The following SLC16A14 variants were observed in gnomAD, a reference collection of about 807,000 sequenced individuals.
The protein encoded by SLC16A14 is monocarboxylate transporter 14.
Under a neutral mutation model 35.8 loss-of-function variants are expected in SLC16A14, and 14 were observed. That is an observed-to-expected ratio of 0.39 (90% CI 0.26 to 0.61). The LOEUF (loss-of-function observed/expected upper bound fraction) is 0.61, where lower values mean the gene tolerates loss of function less well. SLC16A14 is among the 20% of genes least tolerant of loss of function. The probability of loss-of-function intolerance (pLI) is 0.51; values close to 1 mark genes in which losing one functional copy is unlikely to be tolerated. For missense variants in SLC16A14, 533 were observed against 655.0 expected, an observed-to-expected ratio of 0.81 and a Z score of 2.03; for synonymous variants, 248 against 258.9, an observed-to-expected ratio of 0.96 and a Z score of 0.40.
intron 1 of SLC16A14, among the ~76,000 whole-genome samples, chr2:230,059,894 C>T (rs2077737603): frequency 6.6e-6 from 1 of 152,126 alleles, no homozygotes; most frequent in South Asian, 2.1e-4. Flanking sequence ...GTGGATTAGC[C>T]TCAGGGGGTC....
intron 4 of SLC16A14, among the ~76,000 whole-genome samples, chr2:230,037,770 C>A (rs921680504): frequency 6.6e-6 from 1 of 151,918 alleles, no homozygotes; most frequent in Non-Finnish European, 1.5e-5. Context: ...CCCGTGCCTA[C>A]GGAGGACTGC....
At chr2:230,058,903 G>T in intron 2 of SLC16A14, 191 bp downstream of exon 2, 1 of 742,054 alleles carries the variant, frequency 1.3e-6, no homozygotes, top group South Asian at 6.1e-5. Context: ...AAAGTGCTGG[G>T]ATTACAGGTG....
intron 3 of SLC16A14, among the ~76,000 whole-genome samples, chr2:230,048,654 T>C (rs1201662924): frequency 6.6e-6 from 1 of 152,192 alleles, no homozygotes. Context: ...CCGGGTGCTG[T>C]GGCTGACACC....
chr2:230,048,552 A>G (rs2077627856), intron 3 of SLC16A14, among the ~76,000 whole-genome samples: 1 of 152,134 alleles, frequency 6.6e-6, no homozygotes, highest in African/African-American at 2.4e-5. Flanking sequence ...ACCTAACTGT[A>G]CTCTAGATTT....
chr2:230,044,707 T>C (rs1347668937), intron 4 of SLC16A14, among the ~76,000 whole-genome samples: 2 of 38,678 alleles, frequency 5.2e-5, no homozygotes, highest in African/African-American at 1.2e-4. Flanking sequence ...TCTGTATTTG[T>C]GTGTGTGTGT....
chr2:230,046,065 G>A lies in SLC16A14; in HGVS notation c.1061C>T (p.Pro354Leu), dbSNP rs757121803. The change falls in exon 4 of 5, where the codon CCT becomes CTT. Residue 354 changes from proline (P) to leucine (L), a missense_variant. Transcript: ENST00000295190. This position sits in a 1 kb window ranked among gnomAD's most constrained non-coding sequence, Gnocchi z 5.0. ...AACTATTGCTATAATTGACGTCAGA[G>A]GGAAAACGTCGTTTTGCTCCGATAA... Reference protein sequence around the residue: ...YNLSEQNDVFPLTSIIAIVHI... With the variant: ...YNLSEQNDVFLLTSIIAIVHI... The A allele has an allele frequency of 1.5e-5, 24 of 1,614,186 alleles. No homozygotes were observed. Among genetic ancestry groups the A allele is most frequent in the Non-Finnish European group, 1.9e-5 (23 of 1,180,006 alleles).
intron 2 of SLC16A14, among the ~76,000 whole-genome samples, chr2:230,053,994 A>G (rs1017416522): frequency 4.6e-5 from 7 of 152,020 alleles, no homozygotes; most frequent in Non-Finnish European, 7.4e-5. Context: ...CTCTAAATCA[A>G]TGAACTGTTT....
In SLC16A14 at chr2:230,045,978, T is replaced by C. The variant is rs1379665457; in HGVS notation, c.1148A>G (p.Asn383Ser). ...GGTGAAGTTGGCCAACAGGAAGACA[T>C]TCCAAACACTAATGCAAGGCAAGTC... ...IADLPCISVWNVFLLANFTLV... is the reference protein window; with the variant it reads ...IADLPCISVWSVFLLANFTLV... Residue 383 changes from asparagine to serine, a missense_variant, in exon 4 of 5, where the codon AAT becomes AGT. Asn to Ser is a conservative substitution (Grantham distance 46). Transcript: ENST00000295190. 1 of 1,613,432 alleles carries C rather than the reference T, an allele frequency of 6.2e-7. No homozygotes were observed. The highest frequency in any genetic ancestry group is 1.7e-5 in the Admixed American group (1 of 60,014).
intron 3 of SLC16A14, among the ~76,000 whole-genome samples, chr2:230,048,090 T>A (rs2077624250): frequency 1.3e-5 from 2 of 152,220 alleles, no homozygotes; most frequent in South Asian, 4.1e-4. Context: ...AGCTCGTATG[T>A]TTTATATATA....
At chr2:230,048,903 A>G in intron 3 of SLC16A14, among the ~76,000 whole-genome samples, 1 of 142,240 alleles carries the variant, frequency 7.0e-6, no homozygotes, top group Non-Finnish European at 1.5e-5. Flanking sequence ...AGCCTGGGCA[A>G]CAAGAGTGAA....
chr2:230,040,129 C>G (rs1181376603), intron 4 of SLC16A14, among the ~76,000 whole-genome samples: 1 of 152,134 alleles, frequency 6.6e-6, no homozygotes, highest in Non-Finnish European at 1.5e-5. Context: ...CCCCTTTTCC[C>G]CATCCCATCC....
chr2:230,045,636 T>C, intron 4 of SLC16A14, 109 bp downstream of exon 4: 2 of 1,252,694 alleles, frequency 1.6e-6, no homozygotes, highest in Non-Finnish European at 2.3e-6. Context: ...AATGGGAAGA[T>C]AAAAGGAAAA....
At chr2:230,067,534 TTCTCTCTCTCTCTCTC>T (rs145179402) in intron 1 of SLC16A14, among the ~76,000 whole-genome samples, 30,993 of 128,268 alleles carry the variant, frequency 0.24, 3,943 homozygotes, top group East Asian at 0.5. Flanking sequence ...CTCCCCTCTC[TTCTCTCTCTCTCTCTC>T]TCTCTCTCTC....
Position 230,045,900 on chromosome 2 carries a change from G to A in SLC16A14, c.1226C>T (p.Ala409Val), listed in dbSNP as rs868007529. 1.3e-5 allele frequency: 21 copies of A among 1,612,346 alleles called. No homozygotes were observed. The highest frequency in any genetic ancestry group is 1.7e-5 in the Non-Finnish European group (20 of 1,178,546). Residue 409 changes from alanine (A) to valine (V), a missense_variant, in exon 4 of 5, where the codon GCG (alanine) becomes GTG (valine). Ala to Val is a moderately conservative substitution (Grantham distance 64). Coordinates refer to ENST00000295190, the MANE Select transcript of SLC16A14 (RefSeq NM_152527.5). ...AAACCCTATCAGCGCACAGATGACC[G>A]CCAGGCCAGCGTACGTGTGCATCAA... is the stretch of plus-strand genomic sequence containing the variant. Reference protein sequence around the residue: ...LPLMHTYAGLAVICALIGFSS... With the variant: ...LPLMHTYAGLVVICALIGFSS...
intron 1 of SLC16A14, among the ~76,000 whole-genome samples, chr2:230,061,245 A>G (rs1026132144): frequency 6.6e-6 from 1 of 152,252 alleles, no homozygotes; most frequent in East Asian, 1.9e-4. Flanking sequence ...AAAAATGTTT[A>G]GCTGGTCTAA....
intron 4 of SLC16A14, among the ~76,000 whole-genome samples, chr2:230,039,490 C>T (rs1234443285): frequency 6.6e-6 from 1 of 152,158 alleles, no homozygotes; most frequent in Non-Finnish European, 1.5e-5. Context: ...GACCTATGAA[C>T]AAAAACACAC....
At chr2:230,052,935 T>C (rs1196427790) in intron 2 of SLC16A14, among the ~76,000 whole-genome samples, 1 of 103,454 alleles carries the variant, frequency 9.7e-6, no homozygotes, top group East Asian at 2.6e-4. Context: ...TTTCTTTCTC[T>C]CTCTCTTTCT....
chr2:230,038,384 A>T lies in SLC16A14; in HGVS notation c.1382-853T>A, dbSNP rs538985859. ...TGTAAAAGGCATTCTAATTTGAGAC[A>T]TTAAAATATGAGAAAAATGTGTCTC... On this transcript the variant is annotated intron_variant, in intron 4 of 4. Transcript: ENST00000295190. This position sits in a 1 kb window ranked among gnomAD's most constrained non-coding sequence, Gnocchi z 4.4. Among the ~76,000 whole-genome samples the T allele has an allele frequency of 5.3e-5, 8 of 152,350 alleles. No individual in the cohort carries two copies. In the East Asian group the frequency reaches 9.6e-4, roughly 18 times the overall value.
chr2:230,058,190 G>A (rs2077721376), intron 2 of SLC16A14: 1 of 147,976 alleles, frequency 6.8e-6, no homozygotes, highest in Non-Finnish European at 1.5e-5. Context: ...ACAGAGTTTG[G>A]GTCTAAATAA....
Sources: allele counts gnomAD v4.1 joint callset (sites outside exome capture counted in the v4.1 genomes callset), GRCh38; gene constraint gnomAD v4.1.1; non-coding constraint Gnocchi (gnomAD v3.1); transcripts MANE v1.5; gene names NCBI Gene and HGNC (gene_info 2026-07-23, HGNC 2026-07-21).